TNR: variants seen among roughly 807,000 people sequenced by gnomAD.
The protein encoded by TNR is tenascin R, also known as tenascin-R.
Under a neutral mutation model 150.4 loss-of-function variants are expected in TNR, and 45 were observed. That is an observed-to-expected ratio of 0.30 (90% confidence interval 0.24 to 0.38). The LOEUF is 0.38. Among genes scored for constraint, TNR ranks in the 10% least tolerant of loss-of-function variants. The pLI is 1.00. For synonymous variants in TNR, 687 were observed against 678.4 expected (o/e 1.01, Z -0.20); for missense variants, 1,544 against 1,759.1 (o/e 0.88, Z 2.19).
chr1:175,642,424 C>G (rs987772862), intron 1 of TNR, among the ~76,000 whole-genome samples: 2 of 152,138 alleles, frequency 1.3e-5, no homozygotes, highest in African/African-American at 4.8e-5. Context: ...AACCCAGAAG[C>G]CAGGTTATGA....
At chr1:175,394,722 T>C (rs1247783957) in intron 5 of TNR, among the ~76,000 whole-genome samples, 1 of 152,212 alleles carries the variant, frequency 6.6e-6, no homozygotes, top group Non-Finnish European at 1.5e-5. Flanking sequence ...TTCTCATCCT[T>C]CCTGTTTGGA....
intron 1 of TNR, among the ~76,000 whole-genome samples, chr1:175,702,743 T>C (rs2101928318): frequency 6.6e-6 from 1 of 152,348 alleles, no homozygotes; most frequent in East Asian, 1.9e-4. Flanking sequence ...ACCTGCCCAA[T>C]ACACATAGAA....
chr1:175,516,847 T>A (rs1659426732), intron 2 of TNR, among the ~76,000 whole-genome samples: 1 of 152,220 alleles, frequency 6.6e-6, no homozygotes, highest in Non-Finnish European at 1.5e-5. Context: ...TATGCCTGTT[T>A]TCTTTGTTGA....
At chr1:175,371,072 A>AG in intron 9 of TNR, among the ~76,000 whole-genome samples, 1 of 151,650 alleles carries the variant, frequency 6.6e-6, no homozygotes, top group South Asian at 2.1e-4. Context: ...CTGCTGGAAA[A>AG]AAAAAAAAAC....
At chr1:175,697,044 G>GA (rs67198163) in intron 1 of TNR, among the ~76,000 whole-genome samples, 4,227 of 148,032 alleles carry the variant, frequency 0.029, 190 homozygotes, top group African/African-American at 0.098. Flanking sequence ...TTCTTTAAAA[G>GA]AAAAAAAAAA....
chr1:175,333,344 A>G (rs1650044781), intron 20 of TNR: 1 of 152,192 alleles, frequency 6.6e-6, no homozygotes, highest in African/African-American at 2.4e-5. Context: ...AAATTGTGAA[A>G]ATGGTATACA....
intron 1 of TNR, among the ~76,000 whole-genome samples, chr1:175,714,092 T>C (rs1411633540): frequency 6.6e-6 from 1 of 151,724 alleles, no homozygotes; most frequent in Non-Finnish European, 1.5e-5. Flanking sequence ...CTTGTATGGT[T>C]TCTTCACTCC....
chr1:175,608,833 AG>A (rs1399570738), intron 1 of TNR, among the ~76,000 whole-genome samples: 1 of 152,226 alleles, frequency 6.6e-6, no homozygotes, highest in Non-Finnish European at 1.5e-5. Context: ...AACCTGTGGG[AG>A]TATCAAAAAT....
rs756376410 is a variant in TNR, at chr1:175,403,482, C to G, written c.634G>C (p.Gly212Arg). 8.7e-6 allele frequency: 14 copies of G among 1,614,126 alleles called. No homozygotes were observed. In the East Asian group the frequency reaches 2.5e-4, roughly 28 times the overall value. The change falls in exon 4 of 23, where the codon GGG becomes CGG. Residue 212 changes from glycine to arginine, a missense_variant. Physicochemically the swap from Gly to Arg is moderately radical, Grantham distance 125. This residue lies in a region of TNR where 1,254 missense variants were observed against 1,329.4 expected (regional missense o/e 0.94). Transcript: ENST00000367674. ...ATGCACTGGCCATCCACACACACCC[C>G]CCGGCTGGAGCAACCCAGCGGGCAG... ...PYCPLGCSSRGVCVDGQCICD... is the reference protein window; with the variant it reads ...PYCPLGCSSRRVCVDGQCICD...
intron 19 of TNR, among the ~76,000 whole-genome samples, chr1:175,336,424 A>G (rs1394972029): frequency 6.6e-6 from 1 of 152,208 alleles, no homozygotes; most frequent in Non-Finnish European, 1.5e-5. Flanking sequence ...TCACCATTCA[A>G]AACCTACCCA....
At chr1:175,488,361 G>A (rs1034682954) in intron 2 of TNR, among the ~76,000 whole-genome samples, 1 of 152,186 alleles carries the variant, frequency 6.6e-6, no homozygotes, top group African/African-American at 2.4e-5. Flanking sequence ...AAGAATGGAG[G>A]ATGAAAATAA....
intron 1 of TNR, among the ~76,000 whole-genome samples, chr1:175,586,716 G>A (rs571641840): frequency 1.3e-5 from 2 of 152,206 alleles, no homozygotes; most frequent in African/African-American, 4.8e-5. Flanking sequence ...CTTCATTAGA[G>A]TATGTTCCAG....
chr1:175,572,141 A>T (rs1661899464), intron 1 of TNR, among the ~76,000 whole-genome samples: 1 of 152,122 alleles, frequency 6.6e-6, no homozygotes, highest in Non-Finnish European at 1.5e-5. Flanking sequence ...GACAGCACTG[A>T]TGTGCACTAA....
chr1:175,491,053 A>T (rs1658225359), intron 2 of TNR, among the ~76,000 whole-genome samples: 1 of 152,232 alleles, frequency 6.6e-6, no homozygotes, highest in African/African-American at 2.4e-5. Context: ...AAAGGAATGA[A>T]ATTATGTTCT....
rs78013739 is a variant in TNR at position 175,399,678 on chromosome 1, T to A, written c.977-2871A>T. On this transcript the variant is annotated intron_variant, in intron 4 of 22. Transcript: ENST00000367674. Reference sequence around the variant, plus strand: ...CAAAGAGCCTCATGCCTTAATTCAATGAATTCACGGTGGGTGCAAAGTATT... The same window carrying A: ...CAAAGAGCCTCATGCCTTAATTCAAAGAATTCACGGTGGGTGCAAAGTATT... 9.7e-3 allele frequency among the ~76,000 whole-genome samples: 1,475 copies of A among 152,342 alleles called. 23 individuals are homozygous for A. Among genetic ancestry groups the A allele is most frequent in the African/African-American group, 0.031 (1,305 of 41,574 alleles).
At chr1:175,375,202 A>G (rs1161647408) in intron 9 of TNR, among the ~76,000 whole-genome samples, 1 of 151,602 alleles carries the variant, frequency 6.6e-6, no homozygotes, top group Admixed American at 6.6e-5. Flanking sequence ...TGCTGCCCAG[A>G]AAGCAGAATG....
At chr1:175,376,872 A>ATATATATATATATATG (rs1571357187) in intron 9 of TNR, among the ~76,000 whole-genome samples, 1 of 123,648 alleles carries the variant, frequency 8.1e-6, no homozygotes, top group East Asian at 2.9e-4. Flanking sequence ...ATATATATAT[A>ATATATATATATATATG]TATATATACA....
chr1:175,704,139 C>T (rs547739982), intron 1 of TNR, among the ~76,000 whole-genome samples: 4 of 152,284 alleles, frequency 2.6e-5, no homozygotes, highest in African/African-American at 9.6e-5. Flanking sequence ...GTGATAGTTG[C>T]TGCACAACCA....
At chr1:175,491,578 G>C (rs999100947) in intron 2 of TNR, among the ~76,000 whole-genome samples, 11 of 149,254 alleles carry the variant, frequency 7.4e-5, no homozygotes, top group Non-Finnish European at 1.5e-5. Flanking sequence ...TTCTGAGTTA[G>C]ATAATGCACT....
Sources: allele counts gnomAD v4.1 joint callset (sites outside exome capture counted in the v4.1 genomes callset), GRCh38; gene constraint gnomAD v4.1.1; regional missense constraint gnomAD v4.1.1; transcripts MANE v1.5; gene names NCBI Gene and HGNC (gene_info 2026-07-23, HGNC 2026-07-21).